The following RIC1 variants were observed in gnomAD, a reference collection of about 807,000 sequenced individuals.
The protein encoded by RIC1 is RIC1 partner of RAB6A GEF complex, also known as guanine nucleotide exchange factor subunit RIC1.
RIC1 carries 88 observed loss-of-function variants against 169.0 expected under a neutral mutation model. The observed-to-expected ratio is 0.52, with a 90% CI of 0.44 to 0.62. RIC1 has a LOEUF of 0.62. Ranked by LOEUF, RIC1 falls within the 20% of genes least tolerant of loss-of-function variation. RIC1 has a pLI of 0.00. For missense variants in RIC1, 1,877 were observed against 1,725.5 expected (o/e 1.09, Z -1.56); for synonymous variants, 790 against 601.5 (o/e 1.31, Z -4.59).
chr9:5,769,115 T>C lies in RIC1; in HGVS notation c.3283T>C (p.Cys1095Arg), dbSNP rs773711235. ...GGGCTTTGAACTAATTAGTTGGCTATGCAAGGAACGTACCCGAGCCGCCCG... is the reference window on the plus strand; with the variant it reads ...GGGCTTTGAACTAATTAGTTGGCTACGCAAGGAACGTACCCGAGCCGCCCG... ...QLGFELISWL[C>R]KERTRAARVD... Residue 1095 changes from cysteine (C) to arginine (R), a missense_variant, in exon 22 of 26, where the codon TGC (cysteine) becomes CGC (arginine). Cys to Arg is a radical substitution (Grantham distance 180). Transcript: ENST00000414202. The C allele has an allele frequency of 5.0e-6, 8 of 1,614,078 alleles. No individual in the cohort carries two copies. The highest frequency in any genetic ancestry group is 2.2e-5 in the East Asian group (1 of 44,878).
chr9:5,631,017 C>G (rs567299458), intron 1 of RIC1, among the ~76,000 whole-genome samples: 2 of 152,262 alleles, frequency 1.3e-5, no homozygotes, highest in African/African-American at 4.8e-5. Flanking sequence ...TTTAAAAAGG[C>G]AGACCTAACT....
intron 2 of RIC1, among the ~76,000 whole-genome samples, chr9:5,663,855 A>T (rs1191609002): frequency 1.3e-5 from 2 of 152,140 alleles, no homozygotes; most frequent in Non-Finnish European, 2.9e-5. Context: ...TCATCAAGAT[A>T]CTAGTTGGTT....
chr9:5,730,358 C>T (rs1238799943), intron 6 of RIC1, among the ~76,000 whole-genome samples: 1 of 152,110 alleles, frequency 6.6e-6, no homozygotes, highest in Non-Finnish European at 1.5e-5. Context: ...GTGAGCTAAG[C>T]CCAATATTTA....
chr9:5,635,241 A>C (rs1245535369), intron 1 of RIC1, among the ~76,000 whole-genome samples: 2 of 152,048 alleles, frequency 1.3e-5, no homozygotes, highest in African/African-American at 4.8e-5. Context: ...CAGCCTCCTA[A>C]AGTGCTAGGA....
intron 12 of RIC1, among the ~76,000 whole-genome samples, chr9:5,752,574 G>A (rs1240665016): frequency 6.6e-6 from 1 of 151,702 alleles, no homozygotes; most frequent in Non-Finnish European, 1.5e-5. Context: ...CCATGTAGTT[G>A]GGACTACAGG....
At chr9:5,697,962 T>G (rs1339226376) in intron 3 of RIC1, among the ~76,000 whole-genome samples, 1 of 152,244 alleles carries the variant, frequency 6.6e-6, no homozygotes, top group Non-Finnish European at 1.5e-5. Flanking sequence ...AGGGAAGTTT[T>G]GTAGATAAGG....
chr9:5,729,055 C>G (rs984589407), intron 6 of RIC1, among the ~76,000 whole-genome samples: 1 of 152,200 alleles, frequency 6.6e-6, no homozygotes, highest in South Asian at 2.1e-4. Flanking sequence ...TCCAGTGTTC[C>G]TTGGAAAAGA....
At chr9:5,734,463 G>T (rs1460885880) in intron 7 of RIC1, among the ~76,000 whole-genome samples, 1 of 152,078 alleles carries the variant, frequency 6.6e-6, no homozygotes, top group Non-Finnish European at 1.5e-5. Context: ...TGTCATTTTG[G>T]CAAGTTGCAT....
In RIC1 at chr9:5,745,995, T is replaced by A. The variant is rs1825354505; in HGVS notation, c.1160T>A (p.Ile387Asn). ...GGATTTGGTTCTCAAAACACTGAAA[T>A]TGAGTCTGACCTCAGGAGTGTAGTT... is the stretch of plus-strand genomic sequence containing the variant. ...ISGFGSQNTE[I>N]ESDLRSVVKQ... Residue 387 changes from isoleucine to asparagine, a missense_variant, in exon 11 of 26, where the codon ATT becomes AAT. Ile to Asn is a moderately radical substitution (Grantham distance 149). Coordinates refer to ENST00000414202, the MANE Select transcript of RIC1 (RefSeq NM_020829.4). The A allele has an allele frequency of 6.2e-7, 1 of 1,613,650 alleles. No homozygotes were observed. The highest frequency in any genetic ancestry group is 1.3e-5 in the African/African-American group (1 of 74,902).
At chr9:5,641,323 C>A (rs1346233310) in intron 1 of RIC1, among the ~76,000 whole-genome samples, 2 of 152,062 alleles carry the variant, frequency 1.3e-5, no homozygotes, top group Non-Finnish European at 2.9e-5. Context: ...GATCTCCTGA[C>A]CTCATGATCT....
intron 6 of RIC1, among the ~76,000 whole-genome samples, chr9:5,725,514 G>A (rs897782952): frequency 6.6e-6 from 1 of 151,930 alleles, no homozygotes; most frequent in Non-Finnish European, 1.5e-5. Context: ...ACCAGCTCCT[G>A]CATTCATTGA....
At chr9:5,712,025 G>A (rs907351132) in intron 3 of RIC1, among the ~76,000 whole-genome samples, 15 of 152,022 alleles carry the variant, frequency 9.9e-5, no homozygotes, top group Non-Finnish European at 2.1e-4. Context: ...GAGTAGTGCC[G>A]CAATAAACAT....
At chr9:5,718,139 CAAAAAAAA>C (rs35477806) in intron 4 of RIC1, among the ~76,000 whole-genome samples, 28 of 28,082 alleles carry the variant, frequency 1.0e-3, no homozygotes, top group East Asian at 4.1e-3. Context: ...GACTCCGTCT[CAAAAAAAA>C]AAAAAAAAAA....
At chr9:5,690,102 TAC>T in intron 3 of RIC1, 64 bp downstream of exon 3, 1 of 1,171,662 alleles carries the variant, frequency 8.5e-7, no homozygotes, top group Admixed American at 2.4e-5. Flanking sequence ...AGAAAAACAT[TAC>T]AGTTTTGAGT....
chr9:5,742,973 T>C lies in RIC1; in HGVS notation c.1006T>C (p.Phe336Leu). 6.2e-7 allele frequency: 1 copy of C among 1,613,482 alleles called. No individual in the cohort carries two copies. The highest frequency in any genetic ancestry group is 8.5e-7 in the Non-Finnish European group (1 of 1,179,638). Residue 336 changes from phenylalanine to leucine, a missense_variant, in exon 9 of 26, where the codon TTT becomes CTT. Phe to Leu is a conservative substitution (Grantham distance 22). Transcript: ENST00000414202. ...EYGGLSLWSV[F>L]GAQLICTLGG... is the part of the protein sequence containing the mutation. Reference sequence around the variant, plus strand: ...CGGAGGCCTTTCTTTATGGAGTGTTTTTGGAGCACAGCTGATTTGTACACT... The same window carrying C: ...CGGAGGCCTTTCTTTATGGAGTGTTCTTGGAGCACAGCTGATTTGTACACT...
Position 5,746,035 on chromosome 9 carries a change from C to T in RIC1, c.1200C>T (p.Ile400=), listed in dbSNP as rs200510284. ...DLRSVVKQPS[I]LLFQFIKSVL... ...GGAGTGTAGTTAAACAGCCCAGCATCCTGTTATTTCAGTTTATTAAGAGTG... is the reference window on the plus strand; with the variant it reads ...GGAGTGTAGTTAAACAGCCCAGCATTCTGTTATTTCAGTTTATTAAGAGTG... The change falls in exon 11 of 26, where the codon ATC becomes ATT. Residue 400 remains isoleucine (I), a synonymous_variant. Transcript: ENST00000414202. 1 of 1,613,434 alleles carries T rather than the reference C, an allele frequency of 6.2e-7. No homozygotes were observed. Among genetic ancestry groups the T allele is most frequent in the East Asian group, 2.2e-5 (1 of 44,874 alleles).
chr9:5,673,357 T>G (rs1820224946), intron 2 of RIC1, among the ~76,000 whole-genome samples: 1 of 151,760 alleles, frequency 6.6e-6, no homozygotes, highest in African/African-American at 2.4e-5. Flanking sequence ...TTCACCAATC[T>G]AATGCAGGCA....
In RIC1 at chr9:5,644,531, C is replaced by T. The variant is rs114733358; in HGVS notation, c.145-12052C>T. Among the ~76,000 whole-genome samples the T allele has an allele frequency of 7.4e-3, 1,122 of 152,276 alleles. 13 individuals carry two copies. Among genetic ancestry groups the T allele is most frequent in the African/African-American group, 0.026 (1,082 of 41,534 alleles). ...ACATAAGTAACTTCTTATCCTTTAT[C>T]CCCTTCTCATCCTTCTGAGTCTGGT... On this transcript the variant is annotated intron_variant, in intron 1 of 25. Coordinates refer to ENST00000414202, the MANE Select transcript of RIC1 (RefSeq NM_020829.4).
intron 1 of RIC1, among the ~76,000 whole-genome samples, chr9:5,654,102 C>G (rs1818953314): frequency 6.6e-6 from 1 of 152,156 alleles, no homozygotes; most frequent in Non-Finnish European, 1.5e-5. Flanking sequence ...CAGGCTCGAG[C>G]AATCTCCCAC....
Sources: gnomAD v4.1 joint callset for allele counts (sites outside exome capture counted in the v4.1 genomes callset) on GRCh38, gnomAD v4.1.1 for gene constraint, MANE v1.5 for transcripts, NCBI Gene and HGNC (gene_info 2026-07-23, HGNC 2026-07-21) for gene names.